The following POGZ variants were observed in gnomAD, a reference collection of about 807,000 sequenced individuals.
The protein encoded by POGZ is pogo transposable element derived with ZNF domain.
A neutral mutation model predicts 134.6 loss-of-function variants in POGZ; 17 were observed. The ratio of observed to expected loss-of-function variants is 0.13; its 90% CI spans 0.09 to 0.19. The LOEUF (loss-of-function observed/expected upper bound fraction) is 0.19, where lower values mean the gene tolerates loss of function less well. POGZ is among the 10% of genes least tolerant of loss of function. The pLI, the probability that POGZ is intolerant of heterozygous loss-of-function variation, is 1.00. For synonymous variants in POGZ, 693 were observed against 657.1 expected (o/e 1.05, Z -0.84); for missense variants, 1,306 against 1,769.7 (o/e 0.74, Z 4.70).
Position 151,419,039 on chromosome 1 carries a change from A to AG in POGZ, c.1678+4357_1678+4358insC, listed in dbSNP as rs1184306204. On this transcript the variant is annotated intron_variant, in intron 10 of 18. Coordinates refer to ENST00000271715, the MANE Select transcript of POGZ (RefSeq NM_015100.4). ...AGCTCTGTCTCAAAAAAAAAAAAAA[A>AG]AAAAAAAGAAAAAAAGAAAAAAAGT... is the stretch of plus-strand genomic sequence containing the variant. 7.6e-3 allele frequency among the ~76,000 whole-genome samples: 1,139 copies of AG among 149,362 alleles called. 20 individuals are homozygous for AG. Among genetic ancestry groups the AG allele is most frequent in the African/African-American group, 0.027 (1,077 of 40,108 alleles).
chr1:151,451,163 C>T (rs1662015179), intron 1 of POGZ: 1 of 151,958 alleles, frequency 6.6e-6, no homozygotes, highest in South Asian at 2.1e-4. Flanking sequence ...AAAAGAAAAA[C>T]ATTAACCAAT....
intron 15 of POGZ, among the ~76,000 whole-genome samples, chr1:151,407,775 C>T (rs934883339): frequency 2.6e-5 from 4 of 151,990 alleles, no homozygotes; most frequent in Admixed American, 6.6e-5. Context: ...TTAGGGAGGC[C>T]GAGGCAGGTG....
intron 1 of POGZ, among the ~76,000 whole-genome samples, chr1:151,446,935 C>T (rs551056821): frequency 3.3e-5 from 5 of 152,068 alleles, no homozygotes; most frequent in East Asian, 3.9e-4. Flanking sequence ...GACATGTATT[C>T]GTCACTCAGT....
intron 1 of POGZ, among the ~76,000 whole-genome samples, chr1:151,448,633 G>A (rs1029595109): frequency 6.6e-6 from 1 of 152,034 alleles, no homozygotes; most frequent in Non-Finnish European, 1.5e-5. Flanking sequence ...AACTGCTTGA[G>A]CCCTAATTCT....
Position 151,406,246 on chromosome 1 carries a change from G to C in POGZ, c.2789C>G (p.Pro930Arg), listed in dbSNP as rs145570114. ...TPTHPQALALPPLATEGAECL... is the reference protein window; with the variant it reads ...TPTHPQALALRPLATEGAECL... ...TTCGGCTCCCTCTGTAGCCAGCGGT[G>C]GAAGGGCTAAAGCCTGCGGGTGAGT... Residue 930 changes from proline to arginine, a missense_variant, in exon 19 of 19, where the codon CCA (proline) becomes CGA (arginine). Physicochemically the swap from Pro to Arg is moderately radical, Grantham distance 103. Around this residue, in one of 10 missense-constraint regions of POGZ, gnomAD observed 214 missense variants for 255.5 expected, o/e 0.84. Transcript: ENST00000271715. 1,580 of 1,614,078 alleles carry C rather than the reference G, an allele frequency of 9.8e-4. 5 individuals are homozygous for C. Among genetic ancestry groups the C allele is most frequent in the Admixed American group, 7.8e-3 (467 of 60,022 alleles).
chr1:151,411,786 A>G lies in POGZ; in HGVS notation c.1780-15T>C. 6.2e-7 allele frequency: 1 copy of G among 1,603,146 alleles called. No individual in the cohort carries two copies. The highest frequency in any genetic ancestry group is 8.5e-7 in the Non-Finnish European group (1 of 1,174,954). ...TATTGACACACCTGAGTCACATAGG[A>G]GGGAAAATAAGGCTAAGAATGAAGT... On this transcript the variant is annotated splice_polypyrimidine_tract_variant and intron_variant, in intron 11 of 18. Coordinates refer to ENST00000271715, the MANE Select transcript of POGZ (RefSeq NM_015100.4).
rs767873779 is a variant in POGZ, at chr1:151,423,487, T to A, written c.1588A>T (p.Thr530Ser). 1 of 1,613,824 alleles carries A rather than the reference T, an allele frequency of 6.2e-7. No individual in the cohort carries two copies. Among genetic ancestry groups the A allele is most frequent in the South Asian group, 1.1e-5 (1 of 91,076 alleles). Reference sequence around the variant, plus strand: ...TGGCGGTAACAGTGCTGGCAGATAGTGTGACCATCTACCTCACCGTTCTGC... The same window carrying A: ...TGGCGGTAACAGTGCTGGCAGATAGAGTGACCATCTACCTCACCGTTCTGC... ...DQQNGEVDGH[T>S]ICQHCYRQFS... Residue 530 changes from threonine (T) to serine (S), a missense_variant, in exon 10 of 19, where the codon ACT becomes TCT. Transcript: ENST00000271715.
intron 15 of POGZ, among the ~76,000 whole-genome samples, chr1:151,407,512 G>A (rs1174556999): frequency 8.5e-5 from 13 of 152,152 alleles, no homozygotes; most frequent in South Asian, 2.1e-4. Context: ...GGCCTAGGGC[G>A]GGGCTGAGAG....
chr1:151,404,161 C>G lies in POGZ; in HGVS notation c.*641G>C, dbSNP rs1653169534. On this transcript the variant is annotated 3_prime_UTR_variant, in exon 19 of 19. Coordinates refer to ENST00000271715, the MANE Select transcript of POGZ (RefSeq NM_015100.4). ...TATCTAGGGTTGCTGTAGAAACCAACATCTCTGGAGAGGGAAGGAAAGAAA... is the reference window on the plus strand; with the variant it reads ...TATCTAGGGTTGCTGTAGAAACCAAGATCTCTGGAGAGGGAAGGAAAGAAA... 1.0e-6 allele frequency: 1 copy of G among 985,370 alleles called. No individual in the cohort carries two copies. The highest frequency in any genetic ancestry group is 6.2e-5 in the Admixed American group (1 of 16,246). The allele number at this position is 985,370 out of a possible 1,614,324, so 61.0% of individuals were successfully genotyped here.
intron 3 of POGZ, among the ~76,000 whole-genome samples, chr1:151,433,382 TG>T (rs1167536387): frequency 1.3e-5 from 2 of 151,784 alleles, no homozygotes; most frequent in African/African-American, 2.4e-5. Context: ...CTGAGGTGGG[TG>T]GATCACCTGA....
intron 1 of POGZ, among the ~76,000 whole-genome samples, chr1:151,453,245 A>T (rs576159491): frequency 5.9e-5 from 9 of 151,896 alleles, no homozygotes; most frequent in African/African-American, 2.2e-4. Context: ...GCATGCGTGA[A>T]ATTTTCTTAA....
Position 151,408,164 on chromosome 1 carries a change from C to T in POGZ, c.2311G>A (p.Val771Ile), listed in dbSNP as rs752243157. ...PDFPNHFPTY[V>I]HCSLCRYSTC... ...CTATAGCGACACAGAGAGCAGTGTA[C>T]GTAAGTAGGGAAATGATTAGGGAAG... The change falls in exon 15 of 19, where the codon GTA becomes ATA. Residue 771 changes from valine to isoleucine, a missense_variant. Physicochemically the swap from Val to Ile is conservative, Grantham distance 29. Transcript: ENST00000271715. 5 of 1,612,936 alleles carry T rather than the reference C, an allele frequency of 3.1e-6. No individual in the cohort carries two copies. Among genetic ancestry groups the T allele is most frequent in the Non-Finnish European group, 4.2e-6 (5 of 1,179,502 alleles).
chr1:151,458,503 C>T (rs1663046634), intron 1 of POGZ, among the ~76,000 whole-genome samples: 2 of 152,004 alleles, frequency 1.3e-5, no homozygotes, highest in African/African-American at 4.8e-5. Flanking sequence ...GCTCAGCAAT[C>T]ACTCATTTTC....
At chr1:151,454,052 T>C (rs1662475114) in intron 1 of POGZ, among the ~76,000 whole-genome samples, 1 of 152,212 alleles carries the variant, frequency 6.6e-6, no homozygotes. Context: ...TCTGAATTCC[T>C]TTGTCTTGTT....
rs1557869178 is a variant in POGZ at position 151,406,630 on chromosome 1, T to A, written c.2547A>T (p.Gly849=). 8 of 1,607,724 alleles carry A rather than the reference T, an allele frequency of 5.0e-6. No homozygotes were observed. Among genetic ancestry groups the A allele is most frequent in the Non-Finnish European group, 6.8e-6 (8 of 1,178,284 alleles). The change falls in exon 18 of 19, where the codon GGA becomes GGT. Residue 849 remains glycine (G), a splice_region_variant and synonymous_variant. Transcript: ENST00000271715. Reference sequence around the variant, plus strand: ...ACCTTGAGTGAGCTATCCAAGTGAGTCCTATGGAAAATGAAACAACAAAAA... The same window carrying A: ...ACCTTGAGTGAGCTATCCAAGTGAGACCTATGGAAAATGAAACAACAAAAA... ...SHRSSSILPR[G]LTWIAHSRHG... is the part of the protein sequence containing the mutation.
rs1456648952 is a variant in POGZ at position 151,411,639 on chromosome 1, A to G, written c.1912T>C (p.Tyr638His). Residue 638 changes from tyrosine (Y) to histidine (H), a missense_variant, in exon 12 of 19, where the codon TAC becomes CAC. Tyr to His is a moderately conservative substitution (Grantham distance 83). Coordinates refer to ENST00000271715, the MANE Select transcript of POGZ (RefSeq NM_015100.4). ...GTGCCTAGTACCTGGTGCCTCATGT[A>G]ATGCTGTTGGAATGCATTGCCATTT... ...FKNGNAFQQH[Y>H]MRHQKRNVYH... 3 of 1,609,936 alleles carry G rather than the reference A, an allele frequency of 1.9e-6. No individual in the cohort carries two copies. Among genetic ancestry groups the G allele is most frequent in the Non-Finnish European group, 2.5e-6 (3 of 1,178,186 alleles).
At chr1:151,418,994 C>T (rs1216120750) in intron 10 of POGZ, among the ~76,000 whole-genome samples, 2 of 123,024 alleles carry the variant, frequency 1.6e-5, no homozygotes, top group Admixed American at 1.1e-4. Flanking sequence ...CACCGTACTC[C>T]AGCATGGGTG....
At chr1:151,429,166 A>C (rs1658284101) in intron 5 of POGZ, among the ~76,000 whole-genome samples, 1 of 151,664 alleles carries the variant, frequency 6.6e-6, no homozygotes, top group South Asian at 2.1e-4. Context: ...AAAAAAAAAA[A>C]CTATCTAGTC....
chr1:151,452,705 A>T (rs1662278041), intron 1 of POGZ, among the ~76,000 whole-genome samples: 1 of 151,898 alleles, frequency 6.6e-6, no homozygotes, highest in African/African-American at 2.4e-5. Context: ...CTCTACTAAA[A>T]ATACAAAAAT....
Sources: gnomAD v4.1 joint callset for allele counts (sites outside exome capture counted in the v4.1 genomes callset) on GRCh38, gnomAD v4.1.1 for gene constraint, gnomAD v4.1.1 regional missense constraint, MANE v1.5 for transcripts, NCBI Gene and HGNC (gene_info 2026-07-23, HGNC 2026-07-21) for gene names.